The following COL23A1 variants were observed in gnomAD, a reference collection of about 807,000 sequenced individuals.
COL23A1 encodes the protein collagen alpha-1(XXIII) chain.
Under a neutral mutation model 99.3 loss-of-function variants are expected in COL23A1, and 97 were observed. That is an observed-to-expected ratio of 0.98 (90% CI 0.83 to 1.16). The LOEUF (loss-of-function observed/expected upper bound fraction) is 1.16. Among genes scored for constraint, COL23A1 ranks in the 50% most tolerant of loss-of-function variants. The probability of loss-of-function intolerance (pLI) is 0.00; values close to 1 mark genes in which losing one functional copy is unlikely to be tolerated. For synonymous variants in COL23A1, 320 were observed against 308.2 expected, an observed-to-expected ratio of 1.04 and a Z score of -0.40; for missense variants, 762 against 757.4, an observed-to-expected ratio of 1.01 and a Z score of -0.07.
intron 2 of COL23A1, among the ~76,000 whole-genome samples, chr5:178,409,392 T>C (rs1232185334): frequency 6.6e-6 from 1 of 152,146 alleles, no homozygotes; most frequent in Non-Finnish European, 1.5e-5. Context: ...GACAGATTGG[T>C]GATTGCCAGA....
intron 2 of COL23A1, among the ~76,000 whole-genome samples, chr5:178,559,771 A>T (rs1164399288): frequency 1.5e-5 from 2 of 133,730 alleles, no homozygotes; most frequent in African/African-American, 6.1e-5. Flanking sequence ...CACCCAAAAG[A>T]GACCTTTCCC....
At position 178,259,742 on chromosome 5, in the gene COL23A1, C is replaced by G; in HGVS notation, c.708G>C (p.Glu236Asp). ...GPKGPPGPKG[E>D]PGVPGKKGDD... is the part of the protein sequence containing the mutation. ...TCACCTTCTTTCCAGGTACTCCAGGCTCACCCTGGGGGAGGCAATGGGGGG... is the reference window on the plus strand; with the variant it reads ...TCACCTTCTTTCCAGGTACTCCAGGGTCACCCTGGGGGAGGCAATGGGGGG... The change falls in exon 12 of 29, where the codon GAG (glutamate) becomes GAC (aspartate). Residue 236 changes from glutamate to aspartate, a missense_variant. Physicochemically the swap from Glu to Asp is conservative, Grantham distance 45. Transcript: ENST00000390654. The G allele has an allele frequency of 6.2e-7, 1 of 1,604,646 alleles. No individual in the cohort carries two copies. Among genetic ancestry groups the G allele is most frequent in the Non-Finnish European group, 8.5e-7 (1 of 1,174,026 alleles).
At chr5:178,247,580 G>C in intron 21 of COL23A1, 28 bp from the exon 22 acceptor site, 1 of 1,613,800 alleles carries the variant, frequency 6.2e-7, no homozygotes, top group African/African-American at 1.3e-5. Context: ...AGATAAGAAG[G>C]CTGGCTCCGG....
intron 2 of COL23A1, among the ~76,000 whole-genome samples, chr5:178,460,531 T>C (rs895204038): frequency 6.6e-6 from 1 of 152,090 alleles, no homozygotes; most frequent in African/African-American, 2.4e-5. Context: ...GAGGGCGAAA[T>C]AGTAAAAGAT....
chr5:178,240,848 C>T (rs1764357849), intron 27 of COL23A1, among the ~76,000 whole-genome samples: 1 of 152,236 alleles, frequency 6.6e-6, no homozygotes, highest in Admixed American at 6.5e-5. Flanking sequence ...GTCTGAATAT[C>T]TGTCCAGTTT....
intron 2 of COL23A1, among the ~76,000 whole-genome samples, chr5:178,380,178 C>CA (rs1389188792): frequency 6.6e-6 from 1 of 152,218 alleles, no homozygotes; most frequent in Admixed American, 6.5e-5. Context: ...GTAGAAGCCA[C>CA]AGACAGCAGG....
rs113892028 is a variant in COL23A1 at position 178,311,452 on chromosome 5, T to C, written c.362-4533A>G. On this transcript the variant is annotated intron_variant, in intron 2 of 28. Transcript: ENST00000390654. ...TGCAGGGGCCTCTGGGCCATCACAA[T>C]GCGGGGCTTTAATGTAAGTGGGTTC... 1.2e-4 allele frequency among the ~76,000 whole-genome samples: 18 copies of C among 151,892 alleles called. 1 individual carries two copies. Among genetic ancestry groups the C allele is most frequent in the Admixed American group, 1.0e-3 (16 of 15,252 alleles).
chr5:178,318,147 A>G (rs1759076203), intron 2 of COL23A1, among the ~76,000 whole-genome samples: 1 of 152,228 alleles, frequency 6.6e-6, no homozygotes, highest in African/African-American at 2.4e-5. Context: ...ACAAATCTTC[A>G]GTGATCTACC....
intron 2 of COL23A1, among the ~76,000 whole-genome samples, chr5:178,473,539 C>A (rs1407813498): frequency 6.7e-6 from 1 of 148,622 alleles, no homozygotes; most frequent in African/African-American, 2.5e-5. Flanking sequence ...GTCTTGAACT[C>A]CTGGGCTCAA....
intron 2 of COL23A1, among the ~76,000 whole-genome samples, chr5:178,541,688 T>G (rs1428403389): frequency 6.6e-6 from 1 of 152,192 alleles, no homozygotes; most frequent in South Asian, 2.1e-4. Flanking sequence ...GAAAGACATA[T>G]ACTACATTGT....
chr5:178,357,996 GTGTATA>G (rs1761819847), intron 2 of COL23A1, among the ~76,000 whole-genome samples: 3 of 145,076 alleles, frequency 2.1e-5, no homozygotes, highest in Non-Finnish European at 4.5e-5. Flanking sequence ...GTATGCGTGT[GTGTATA>G]TGTATGTGTG....
intron 2 of COL23A1, among the ~76,000 whole-genome samples, chr5:178,358,128 TAC>T (rs1327406450): frequency 2.0e-5 from 3 of 151,280 alleles, no homozygotes; most frequent in East Asian, 3.9e-4. Flanking sequence ...TGTACGTGTG[TAC>T]GTCTAATGTG....
chr5:178,384,803 T>G lies in COL23A1; in HGVS notation c.362-77884A>C, dbSNP rs945068146. Reference sequence around the variant, plus strand: ...GCCCAGAACAGCCTGGGGCTTGGAGTCCCCCTGAGGGAAATGGCTGTGCCT... The same window carrying G: ...GCCCAGAACAGCCTGGGGCTTGGAGGCCCCCTGAGGGAAATGGCTGTGCCT... On this transcript the variant is annotated intron_variant, in intron 2 of 28. Coordinates refer to ENST00000390654, the MANE Select transcript of COL23A1 (RefSeq NM_173465.4). This position sits in a 1 kb window ranked among gnomAD's most constrained non-coding sequence, Gnocchi z 5.5. 6.6e-6 allele frequency among the ~76,000 whole-genome samples: 1 copy of G among 151,730 alleles called. No individual in the cohort carries two copies. Among genetic ancestry groups the G allele is most frequent in the Non-Finnish European group, 1.5e-5 (1 of 67,936 alleles).
intron 2 of COL23A1, among the ~76,000 whole-genome samples, chr5:178,471,245 CTTTCT>C (rs1180623972): frequency 3.7e-5 from 2 of 54,310 alleles, no homozygotes; most frequent in Non-Finnish European, 1.4e-4. Context: ...TTTATGTTTT[CTTTCT>C]TTTTTTTTGA....
At chr5:178,257,455 T>G in intron 13 of COL23A1, 68 bp downstream of exon 13, 1 of 1,528,102 alleles carries the variant, frequency 6.5e-7, no homozygotes, top group Non-Finnish European at 8.9e-7. Flanking sequence ...GGGTAGGGAC[T>G]TCACCAGGTA....
At chr5:178,394,117 T>C (rs1022634892) in intron 2 of COL23A1, among the ~76,000 whole-genome samples, 2 of 152,142 alleles carry the variant, frequency 1.3e-5, no homozygotes, top group African/African-American at 4.8e-5. Context: ...GAAGGGAAGC[T>C]TCAGGGAGGA....
chr5:178,524,584 C>T (rs1361531605), intron 2 of COL23A1, among the ~76,000 whole-genome samples: 1 of 152,204 alleles, frequency 6.6e-6, no homozygotes, highest in Non-Finnish European at 1.5e-5. Context: ...CGGGCATTGA[C>T]CTGACCAGCT....
chr5:178,584,179 T>C (rs1353307183), intron 1 of COL23A1, among the ~76,000 whole-genome samples: 1 of 152,002 alleles, frequency 6.6e-6, no homozygotes, highest in Admixed American at 6.6e-5. Context: ...CTGGCTAAAT[T>C]TGGTGTTTTT....
At chr5:178,358,670 A>AGTGT (rs1554145716) in intron 2 of COL23A1, among the ~76,000 whole-genome samples, 1 of 50,678 alleles carries the variant, frequency 2.0e-5, no homozygotes, top group African/African-American at 9.9e-5. Flanking sequence ...GTATGTGTCT[A>AGTGT]ATGTGTATGT....
Sources: gnomAD v4.1 joint callset for allele counts (sites outside exome capture counted in the v4.1 genomes callset) on GRCh38, gnomAD v4.1.1 for gene constraint, Gnocchi (gnomAD v3.1) non-coding constraint, MANE v1.5 for transcripts, NCBI Gene and HGNC (gene_info 2026-07-23, HGNC 2026-07-21) for gene names.